Variants in TMCC1 observed in about 807,000 individuals in gnomAD.
TMCC1 encodes transmembrane and coiled-coil domain family 1.
Under a neutral mutation model 52.4 loss-of-function variants are expected in TMCC1, and 15 were observed. That is an observed-to-expected ratio of 0.29 (90% CI 0.19 to 0.44). TMCC1 has a LOEUF of 0.44. Among genes scored for constraint, TMCC1 ranks in the 20% least tolerant of loss-of-function variants. The pLI, the probability that TMCC1 is intolerant of heterozygous loss-of-function variation, is 1.00. For synonymous variants in TMCC1, 279 were observed against 301.9 expected, an observed-to-expected ratio of 0.92 and a Z score of 0.79; for missense variants, 503 against 806.0, an observed-to-expected ratio of 0.62 and a Z score of 4.55.
chr3:129,801,540 C>T (rs2057195795), intron 4 of TMCC1, among the ~76,000 whole-genome samples: 1 of 152,140 alleles, frequency 6.6e-6, no homozygotes, highest in Non-Finnish European at 1.5e-5. Context: ...CGGGTCACTG[C>T]ACCCTCTGCC....
At chr3:129,783,173 CAT>C in intron 4 of TMCC1, among the ~76,000 whole-genome samples, 1 of 152,298 alleles carries the variant, frequency 6.6e-6, no homozygotes, top group South Asian at 2.1e-4. Context: ...AGATGAATGA[CAT>C]ATGATTCCTT....
At chr3:129,881,208 G>A (rs959421516) in intron 1 of TMCC1, among the ~76,000 whole-genome samples, 3 of 152,156 alleles carry the variant, frequency 2.0e-5, no homozygotes, top group African/African-American at 7.2e-5. Context: ...TGATCACATG[G>A]AGGTAATACC....
intron 2 of TMCC1, among the ~76,000 whole-genome samples, chr3:129,872,974 G>A (rs1202005762): frequency 2.7e-5 from 4 of 150,556 alleles, no homozygotes; most frequent in Admixed American, 1.3e-4. Context: ...CAGGAGTGCA[G>A]TGGCACAATC....
intron 4 of TMCC1, among the ~76,000 whole-genome samples, chr3:129,685,674 A>G (rs1047182290): frequency 2.0e-5 from 3 of 152,194 alleles, no homozygotes; most frequent in Non-Finnish European, 4.4e-5. Flanking sequence ...ACTGTTCTAA[A>G]TTTTATGCCA....
intron 4 of TMCC1, among the ~76,000 whole-genome samples, chr3:129,687,005 G>T (rs2089454319): frequency 6.6e-6 from 1 of 152,206 alleles, no homozygotes; most frequent in African/African-American, 2.4e-5. Context: ...GAATTGACTT[G>T]GTTGAAAGGT....
At chr3:129,880,852 C>T (rs1175072349) in intron 1 of TMCC1, among the ~76,000 whole-genome samples, 4 of 150,496 alleles carry the variant, frequency 2.7e-5, no homozygotes, top group East Asian at 3.9e-4. Flanking sequence ...TCTCAGGCTG[C>T]AAATTTTTTT....
At chr3:129,738,874 A>G (rs930247364) in intron 4 of TMCC1, among the ~76,000 whole-genome samples, 8 of 152,188 alleles carry the variant, frequency 5.3e-5, no homozygotes, top group Non-Finnish European at 8.8e-5. Context: ...CCTGGAGTGC[A>G]ATGGTGAAAT....
rs536772470 is a variant in TMCC1, at chr3:129,723,364, T to C, written c.577-52100A>G. ...TGAGCACTAAGAAATCTTTTTCTTTTTTTTTTTTTTTTTTTGGCCACCTAG... is the reference window on the plus strand; with the variant it reads ...TGAGCACTAAGAAATCTTTTTCTTTCTTTTTTTTTTTTTTTGGCCACCTAG... On this transcript the variant is annotated intron_variant, in intron 4 of 6. Transcript: ENST00000393238. 2.9e-4 allele frequency among the ~76,000 whole-genome samples: 43 copies of C among 147,048 alleles called. No individual in the cohort carries two copies. In the South Asian group the frequency reaches 3.8e-3, roughly 13 times the overall value.
intron 2 of TMCC1, among the ~76,000 whole-genome samples, chr3:129,874,729 C>T (rs139539205): frequency 6.6e-6 from 1 of 152,048 alleles, no homozygotes; most frequent in African/African-American, 2.4e-5. Context: ...TGGTGGCGCA[C>T]ACCTGTAGTC....
intron 4 of TMCC1, among the ~76,000 whole-genome samples, chr3:129,792,304 C>G (rs530787686): frequency 6.6e-6 from 1 of 151,646 alleles, no homozygotes; most frequent in Admixed American, 6.6e-5. Flanking sequence ...TCTCAGGTAA[C>G]CTATGGATTT....
chr3:129,716,600 C>T (rs187867322), intron 4 of TMCC1, among the ~76,000 whole-genome samples: 4,683 of 151,042 alleles, frequency 0.031, 214 homozygotes, highest in African/African-American at 0.11. Context: ...CTGCCCGCCT[C>T]GGCCTCCCAA....
chr3:129,838,342 G>A (rs1464203637), intron 2 of TMCC1, among the ~76,000 whole-genome samples: 2 of 152,060 alleles, frequency 1.3e-5, no homozygotes, highest in African/African-American at 2.4e-5. Context: ...CCTGGAGGTC[G>A]AGGCTGCAAA....
chr3:129,664,514 C>T (rs1021539576), intron 5 of TMCC1, among the ~76,000 whole-genome samples: 17 of 152,130 alleles, frequency 1.1e-4, no homozygotes, highest in Admixed American at 3.3e-4. Flanking sequence ...AAAATATCCC[C>T]GGGTTTAATA....
At chr3:129,867,332 CT>C (rs2060700123) in intron 2 of TMCC1, among the ~76,000 whole-genome samples, 3 of 152,316 alleles carry the variant, frequency 2.0e-5, no homozygotes, top group African/African-American at 7.2e-5. Flanking sequence ...TAGCCTTCTT[CT>C]TCAACATTAC....
chr3:129,802,838 G>T (rs1243426424), intron 4 of TMCC1, among the ~76,000 whole-genome samples: 1 of 152,202 alleles, frequency 6.6e-6, no homozygotes, highest in Non-Finnish European at 1.5e-5. Context: ...ACTGTACAAA[G>T]AGGAAAGTCT....
At chr3:129,684,112 T>C (rs138415814) in intron 4 of TMCC1, among the ~76,000 whole-genome samples, 180 of 152,292 alleles carry the variant, frequency 1.2e-3, no homozygotes, top group African/African-American at 3.8e-3. Flanking sequence ...TTGTAAAAAA[T>C]TGCTTAAATA....
At chr3:129,700,510 C>A (rs747000610) in intron 4 of TMCC1, among the ~76,000 whole-genome samples, 22 of 151,978 alleles carry the variant, frequency 1.4e-4, no homozygotes, top group South Asian at 8.3e-4. Flanking sequence ...CGGAGTCTCG[C>A]TCTGTTGCCA....
intron 4 of TMCC1, among the ~76,000 whole-genome samples, chr3:129,825,394 G>A (rs1174763268): frequency 1.3e-5 from 2 of 152,074 alleles, no homozygotes; most frequent in Admixed American, 6.6e-5. Flanking sequence ...AATATACACT[G>A]CTTTTCCTAA....
intron 4 of TMCC1, among the ~76,000 whole-genome samples, chr3:129,698,725 T>C (rs2047596184): frequency 6.6e-6 from 1 of 152,180 alleles, no homozygotes; most frequent in African/African-American, 2.4e-5. Flanking sequence ...GCCTATTTTC[T>C]TAAGGCCTGT....
Sources: allele counts gnomAD v4.1 joint callset (sites outside exome capture counted in the v4.1 genomes callset), GRCh38; gene constraint gnomAD v4.1.1; transcripts MANE v1.5; gene names NCBI Gene and HGNC (gene_info 2026-07-23, HGNC 2026-07-21).